The following SEZ6L variants were observed in gnomAD, a reference collection of about 807,000 sequenced individuals.
SEZ6L encodes seizure 6-like protein.
SEZ6L carries 37 observed loss-of-function variants against 106.2 expected under a neutral mutation model. The ratio of observed to expected loss-of-function variants is 0.35; its 90% CI spans 0.27 to 0.46. The LOEUF (loss-of-function observed/expected upper bound fraction) is 0.46, where lower values mean the gene tolerates loss of function less well. Among genes scored for constraint, SEZ6L ranks in the 20% least tolerant of loss-of-function variants. SEZ6L has a pLI of 1.00. For synonymous variants in SEZ6L, 541 were observed against 570.4 expected, an observed-to-expected ratio of 0.95 and a Z score of 0.73; for missense variants, 1,172 against 1,332.8, an observed-to-expected ratio of 0.88 and a Z score of 1.88.
chr22:26,310,886 T>C, intron 7 of SEZ6L, 50 bp downstream of exon 7: 1 of 1,577,758 alleles, frequency 6.3e-7, no homozygotes, highest in South Asian at 1.1e-5. Flanking sequence ...GGGGGTAGCC[T>C]GGGAGCAGGG....
intron 1 of SEZ6L, among the ~76,000 whole-genome samples, chr22:26,209,329 C>G (rs1941477119): frequency 1.3e-5 from 2 of 152,106 alleles, no homozygotes; most frequent in South Asian, 4.1e-4. Context: ...CATATGCTGC[C>G]AATACTTTAT....
chr22:26,232,175 A>C (rs1466950341), intron 1 of SEZ6L, among the ~76,000 whole-genome samples: 1 of 152,160 alleles, frequency 6.6e-6, no homozygotes, highest in Non-Finnish European at 1.5e-5. Flanking sequence ...GCACTCATTC[A>C]ATCAGAATTC....
chr22:26,330,495 G>T (rs1166217463), intron 9 of SEZ6L, among the ~76,000 whole-genome samples: 1 of 152,204 alleles, frequency 6.6e-6, no homozygotes, highest in Non-Finnish European at 1.5e-5. Flanking sequence ...TAGCAGAGAA[G>T]AGAGGAGAGG....
chr22:26,348,787 A>AGGGAG (rs1433123916), intron 11 of SEZ6L, among the ~76,000 whole-genome samples: 16 of 528 alleles, frequency 0.03, 3 homozygotes, highest in African/African-American at 0.1. Flanking sequence ...AGGGGAGGGA[A>AGGGAG]GGGGAGGGAA....
At chr22:26,221,771 C>T (rs1380694363) in intron 1 of SEZ6L, among the ~76,000 whole-genome samples, 1 of 151,948 alleles carries the variant, frequency 6.6e-6, no homozygotes, top group Non-Finnish European at 1.5e-5. Flanking sequence ...CACACACACA[C>T]ACTCCCTAGC....
chr22:26,337,915 C>G (rs1446576646), intron 9 of SEZ6L, among the ~76,000 whole-genome samples: 1 of 152,134 alleles, frequency 6.6e-6, no homozygotes, highest in African/African-American at 2.4e-5. Context: ...AAATACAATC[C>G]CTGCCCTCCC....
At chr22:26,338,124 T>C (rs1414884310) in intron 9 of SEZ6L, among the ~76,000 whole-genome samples, 1 of 152,202 alleles carries the variant, frequency 6.6e-6, no homozygotes, top group Non-Finnish European at 1.5e-5. Flanking sequence ...CTCAGGGCCA[T>C]TTCCCAGAAC....
chr22:26,301,667 A>G (rs554653834), intron 5 of SEZ6L, among the ~76,000 whole-genome samples: 4 of 152,198 alleles, frequency 2.6e-5, no homozygotes, highest in African/African-American at 9.6e-5. Flanking sequence ...AGGGTCAGGG[A>G]AGGATTACCT....
chr22:26,303,673 T>C (rs890070519), intron 5 of SEZ6L, among the ~76,000 whole-genome samples: 1 of 152,236 alleles, frequency 6.6e-6, no homozygotes, highest in Admixed American at 6.5e-5. Context: ...AAATATTTAC[T>C]GAGCACATTC....
At chr22:26,198,592 T>G (rs1940732235) in intron 1 of SEZ6L, among the ~76,000 whole-genome samples, 1 of 152,212 alleles carries the variant, frequency 6.6e-6, no homozygotes, top group Non-Finnish European at 1.5e-5. Context: ...ATGCTGGCAT[T>G]GGCAGGTTTG....
intron 1 of SEZ6L, among the ~76,000 whole-genome samples, chr22:26,243,961 G>A (rs8140204): frequency 0.023 from 3,464 of 152,104 alleles, 136 homozygotes; most frequent in African/African-American, 0.08. Context: ...TCAGGAGTTC[G>A]AGACCAGCCT....
intron 9 of SEZ6L, among the ~76,000 whole-genome samples, chr22:26,315,733 C>T (rs945884933): frequency 2.6e-5 from 4 of 152,162 alleles, no homozygotes; most frequent in East Asian, 3.9e-4. Context: ...AGATTTTACG[C>T]GTTCCTAGCC....
chr22:26,380,624 G>T lies in SEZ6L; in HGVS notation c.*329G>T. On this transcript the variant is annotated 3_prime_UTR_variant, in exon 17 of 17. Transcript: ENST00000248933. ...TCTCCCATCAGCAATGCCATGCTAAGGCTGCATTGAATTGCATGCATCTTT... is the reference window on the plus strand; with the variant it reads ...TCTCCCATCAGCAATGCCATGCTAATGCTGCATTGAATTGCATGCATCTTT... The T allele has an allele frequency of 3.6e-6, 1 of 276,692 alleles. No homozygotes were observed. Among genetic ancestry groups the T allele is most frequent in the Admixed American group, 4.6e-5 (1 of 21,728 alleles). 17.1% of individuals were successfully genotyped at this position (276,692 alleles called of 1,614,324 possible).
chr22:26,228,232 A>G (rs1221649012), intron 1 of SEZ6L, among the ~76,000 whole-genome samples: 1 of 152,228 alleles, frequency 6.6e-6, no homozygotes, highest in Admixed American at 6.5e-5. Flanking sequence ...GAGCTAGAAA[A>G]TGAAAGGAGT....
At chr22:26,371,986 T>C (rs975080380) in intron 13 of SEZ6L, among the ~76,000 whole-genome samples, 3 of 152,236 alleles carry the variant, frequency 2.0e-5, no homozygotes, top group Non-Finnish European at 4.4e-5. Context: ...AGTGCCAATG[T>C]GAGGCCACCT....
At chr22:26,269,133 A>T (rs667270) in intron 1 of SEZ6L, among the ~76,000 whole-genome samples, 1 of 151,930 alleles carries the variant, frequency 6.6e-6, no homozygotes, top group Non-Finnish European at 1.5e-5. Context: ...TGGTTGGGGG[A>T]TATTATGGGA....
intron 1 of SEZ6L, among the ~76,000 whole-genome samples, chr22:26,271,794 T>A (rs7284733): frequency 0.059 from 8,995 of 152,260 alleles, 434 homozygotes; most frequent in African/African-American, 0.13. Flanking sequence ...ACCTCTTTTT[T>A]TCTAAACTAC....
At chr22:26,226,210 T>C (rs1034007149) in intron 1 of SEZ6L, among the ~76,000 whole-genome samples, 2 of 152,184 alleles carry the variant, frequency 1.3e-5, no homozygotes, top group African/African-American at 4.8e-5. Flanking sequence ...AAAACACACA[T>C]CTGCCAATTC....
intron 1 of SEZ6L, among the ~76,000 whole-genome samples, chr22:26,171,082 G>A (rs752870385): frequency 1.6e-4 from 24 of 152,142 alleles, no homozygotes; most frequent in Non-Finnish European, 2.6e-4. Flanking sequence ...CATAAATCAG[G>A]CATTTTATCC....
Sources: gnomAD v4.1 joint callset for allele counts (sites outside exome capture counted in the v4.1 genomes callset) on GRCh38, gnomAD v4.1.1 for gene constraint, MANE v1.5 for transcripts, NCBI Gene and HGNC (gene_info 2026-07-23, HGNC 2026-07-21) for gene names.